The following METTL15 variants were observed in gnomAD, a reference collection of about 807,000 sequenced individuals.
METTL15 encodes the protein methyltransferase 15, mitochondrial 12S rRNA N4-cytidine, also known as 12S rRNA N(4)-cytidine methyltransferase METTL15.
METTL15 carries 34 observed loss-of-function variants against 38.3 expected under a neutral mutation model. The observed-to-expected ratio is 0.89, with a 90% CI of 0.68 to 1.18. The LOEUF (loss-of-function observed/expected upper bound fraction) is 1.18, where lower values mean the gene tolerates loss of function less well. Ranked by LOEUF, METTL15 falls within the 50% of genes most tolerant of loss-of-function variation. METTL15 has a pLI of 0.00. For missense variants in METTL15, 438 were observed against 498.4 expected (o/e 0.88, Z 1.15); for synonymous variants, 162 against 170.9 (o/e 0.95, Z 0.41).
At chr11:28,292,094 C>T (rs893864063) in intron 5 of METTL15, among the ~76,000 whole-genome samples, 3 of 151,568 alleles carry the variant, frequency 2.0e-5, no homozygotes, top group African/African-American at 4.8e-5. Flanking sequence ...TTTTAGGGTA[C>T]ATGTGCACAA....
At chr11:28,342,874 G>C (rs11030283) in intron 3 of METTL15, among the ~76,000 whole-genome samples, 1 of 152,044 alleles carries the variant, frequency 6.6e-6, no homozygotes, top group Non-Finnish European at 1.5e-5. Context: ...TATCTTTGTC[G>C]TTAGCCCTAC....
intron 4 of METTL15, chr11:28,287,710 A>G (rs1230918120): frequency 6.5e-6 from 1 of 152,744 alleles, no homozygotes; most frequent in Non-Finnish European, 1.5e-5. Context: ...GCCTAGCCAC[A>G]AGTTTCTCTC....
At chr11:28,438,259 T>A (rs1412119738) in intron 6 of METTL15, among the ~76,000 whole-genome samples, 1 of 152,244 alleles carries the variant, frequency 6.6e-6, no homozygotes, top group Non-Finnish European at 1.5e-5. Context: ...CTATTCTCTC[T>A]AGGAGCTTCA....
intron 3 of METTL15, among the ~76,000 whole-genome samples, chr11:28,121,054 AT>A (rs1258304963): frequency 1.3e-5 from 2 of 152,038 alleles, no homozygotes; most frequent in Non-Finnish European, 2.9e-5. Flanking sequence ...TATTTTAGTT[AT>A]TTTAAAATGT....
chr11:28,199,996 G>A (rs1020077529), intron 3 of METTL15, among the ~76,000 whole-genome samples: 47 of 152,036 alleles, frequency 3.1e-4, no homozygotes, highest in African/African-American at 1.1e-3. Flanking sequence ...CACCTGCCTC[G>A]GCCTCCCAAA....
At chr11:28,506,863 G>A (rs1356047958) in intron 6 of METTL15, among the ~76,000 whole-genome samples, 2 of 149,316 alleles carry the variant, frequency 1.3e-5, no homozygotes, top group East Asian at 4.0e-4. Flanking sequence ...TCCCACCTCA[G>A]CCTCTCAAGT....
At chr11:28,226,621 G>A (rs550961616) in intron 4 of METTL15, among the ~76,000 whole-genome samples, 16 of 151,856 alleles carry the variant, frequency 1.1e-4, no homozygotes, top group Admixed American at 2.6e-4. Context: ...GGCAAGTCTC[G>A]AACTCATAGC....
intron 3 of METTL15, among the ~76,000 whole-genome samples, chr11:28,195,013 G>T (rs950127700): frequency 2.0e-5 from 3 of 151,916 alleles, no homozygotes; most frequent in Non-Finnish European, 2.9e-5. Flanking sequence ...CATCCAAGTT[G>T]CTGCAAAAGA....
At chr11:28,297,653 A>C (rs1565234491) in intron 6 of METTL15, among the ~76,000 whole-genome samples, 1 of 152,122 alleles carries the variant, frequency 6.6e-6, no homozygotes, top group Non-Finnish European at 1.5e-5. Context: ...CCGTGATGAA[A>C]GTTTTCCAAG....
rs1849956570 is a variant in METTL15, at chr11:28,341,945, A to G, written c.*190-10145A>G. 1.3e-5 allele frequency among the ~76,000 whole-genome samples: 2 copies of G among 152,176 alleles called. 1 individual carries two copies. The highest frequency in any genetic ancestry group is 4.1e-4 in the South Asian group (2 of 4,834). ...CAGGGGTAGACTATGATGTAAAACT[A>G]GGCTAATCCTGGCTACAGGTGACTG... is the stretch of plus-strand genomic sequence containing the variant. On this transcript the variant is annotated intron_variant and NMD_transcript_variant, in intron 3 of 7. Transcript: ENST00000532947.
At chr11:28,181,181 T>G (rs1445847054) in intron 3 of METTL15, among the ~76,000 whole-genome samples, 1 of 151,528 alleles carries the variant, frequency 6.6e-6, no homozygotes, top group Non-Finnish European at 1.5e-5. Context: ...CACAGGGATA[T>G]CAATGAGTCA....
At chr11:28,113,904 T>C (rs1290219502) in intron 3 of METTL15, among the ~76,000 whole-genome samples, 2 of 152,178 alleles carry the variant, frequency 1.3e-5, no homozygotes, top group African/African-American at 4.8e-5. Flanking sequence ...GTAACGTAAG[T>C]GTTCTGAGCA....
At chr11:28,375,289 C>T (rs1850295782) in intron 5 of METTL15, among the ~76,000 whole-genome samples, 1 of 146,776 alleles carries the variant, frequency 6.8e-6, no homozygotes, top group African/African-American at 2.5e-5. Flanking sequence ...GTGAATCCAT[C>T]TGGTCCTGGA....
chr11:28,508,397 A>G (rs1436686538), intron 6 of METTL15, among the ~76,000 whole-genome samples: 2 of 152,216 alleles, frequency 1.3e-5, no homozygotes, highest in Non-Finnish European at 2.9e-5. Flanking sequence ...GACTGCATGA[A>G]TGTATCTATC....
chr11:28,325,631 A>C (rs764359468), intron 6 of METTL15, among the ~76,000 whole-genome samples: 8 of 152,318 alleles, frequency 5.3e-5, no homozygotes, highest in Non-Finnish European at 1.2e-4. Flanking sequence ...TCTTGGCTGC[A>C]TGTCAAAATC....
chr11:28,250,603 T>G (rs1854701564), intron 4 of METTL15, among the ~76,000 whole-genome samples: 1 of 151,958 alleles, frequency 6.6e-6, no homozygotes, highest in South Asian at 2.1e-4. Flanking sequence ...ATCATTTGCT[T>G]CTTTCTCAGA....
At chr11:28,267,160 CAA>C (rs57831121) in intron 4 of METTL15, among the ~76,000 whole-genome samples, 75 of 53,744 alleles carry the variant, frequency 1.4e-3, no homozygotes, top group South Asian at 3.9e-3. Flanking sequence ...AACTCCATCT[CAA>C]AAAAAAAAAA....
chr11:28,242,991 C>G (rs1854362788), intron 4 of METTL15, among the ~76,000 whole-genome samples: 1 of 151,676 alleles, frequency 6.6e-6, no homozygotes, highest in South Asian at 2.1e-4. Flanking sequence ...AACTTTCTAG[C>G]CAGAACTGAC....
At chr11:28,138,116 A>ATT (rs71050944) in intron 3 of METTL15, among the ~76,000 whole-genome samples, 113 of 148,798 alleles carry the variant, frequency 7.6e-4, no homozygotes, top group South Asian at 2.1e-3. Flanking sequence ...AAAACAAGGG[A>ATT]TTTTTTTTTT....
Sources: allele counts gnomAD v4.1 joint callset (sites outside exome capture counted in the v4.1 genomes callset), GRCh38; gene constraint gnomAD v4.1.1; transcripts MANE v1.5; gene names NCBI Gene and HGNC (gene_info 2026-07-23, HGNC 2026-07-21).